TBC1D30: variants seen among roughly 807,000 people sequenced by gnomAD.
TBC1D30 encodes the protein TBC1 domain family member 30, also known as TBC1 domain family, member 30.
TBC1D30 carries 31 observed loss-of-function variants against 63.2 expected under a neutral mutation model. The observed-to-expected ratio is 0.49, with a 90% CI of 0.37 to 0.66. The LOEUF is 0.66. Among genes scored for constraint, TBC1D30 ranks in the 30% least tolerant of loss-of-function variants. The pLI, the probability that TBC1D30 is intolerant of heterozygous loss-of-function variation, is 0.00. For missense variants in TBC1D30, 810 were observed against 953.6 expected (o/e 0.85, Z 1.98); for synonymous variants, 307 against 361.5 (o/e 0.85, Z 1.71).
chr12:64,770,231 T>C (rs1870856390), intron 1 of TBC1D30, among the ~76,000 whole-genome samples: 1 of 152,222 alleles, frequency 6.6e-6, no homozygotes, highest in African/African-American at 2.4e-5. Context: ...CTCTGAAGAA[T>C]TGTAATAGTT....
upstream of TBC1D30, among the ~76,000 whole-genome samples, chr12:64,821,291 G>A (rs1406692449): frequency 6.6e-6 from 1 of 152,216 alleles, no homozygotes. Context: ...ACAATCCAAA[G>A]TTTGCTTGGT....
intron 1 of TBC1D30, 96 bp from the exon 2 acceptor site, chr12:64,827,739 T>G (rs867102349): frequency 1.1e-6 from 1 of 881,062 alleles, no homozygotes; most frequent in African/African-American, 1.7e-5. Flanking sequence ...TAAAAAAAAT[T>G]GTGATGATTC....
rs759212084 is a variant in TBC1D30, at chr12:64,877,244, C to G, written c.*1456C>G. 42 of 180,698 alleles carry G rather than the reference C, an allele frequency of 2.3e-4. No homozygotes were observed. Among genetic ancestry groups the G allele is most frequent in the Non-Finnish European group, 4.6e-4 (39 of 85,292 alleles). 11.2% of individuals were successfully genotyped at this position (180,698 alleles called of 1,614,324 possible). On this transcript the variant is annotated 3_prime_UTR_variant, in exon 12 of 12. Coordinates refer to ENST00000539867, the MANE Select transcript of TBC1D30 (RefSeq NM_015279.2). ...TCCTCAATCCCCTTCTCCTCGCCAT[C>G]ATTAGAGGAATAGACTCAGCCTTCA...
At chr12:64,792,734 C>A (rs1009848372) in intron 2 of TBC1D30, among the ~76,000 whole-genome samples, 18 of 152,088 alleles carry the variant, frequency 1.2e-4, no homozygotes, top group African/African-American at 4.1e-4. Context: ...CCACACCCAG[C>A]TAATTTTTTT....
chr12:64,761,616 T>C (rs1055464862), intron 1 of TBC1D30, among the ~76,000 whole-genome samples: 1 of 152,194 alleles, frequency 6.6e-6, no homozygotes, highest in Non-Finnish European at 1.5e-5. Context: ...CCCAGCGCCA[T>C]GACAGTTTAC....
chr12:64,805,781 C>T (rs903744326), intron 2 of TBC1D30, among the ~76,000 whole-genome samples: 2 of 151,576 alleles, frequency 1.3e-5, no homozygotes, highest in East Asian at 1.9e-4. Context: ...TGCAGTGAGC[C>T]GAGATCATGC....
At position 64,764,584 on chromosome 12, in the gene TBC1D30, A is replaced by G. The variant is rs377727307; in HGVS notation, c.-376+4935A>G. 1.4e-4 allele frequency among the ~76,000 whole-genome samples: 22 copies of G among 152,324 alleles called. No homozygotes were observed. In the East Asian group the frequency reaches 3.3e-3, roughly 23 times the overall value. On this transcript the variant is annotated intron_variant, in intron 1 of 13. Transcript: ENST00000674237. ...CTGTGATCCACATGTAAAGAGAAAC[A>G]AACAATTGCTCCAACTTTTTGCCTG... is the stretch of plus-strand genomic sequence containing the variant.
At chr12:64,827,980 T>C (rs186740151) in intron 2 of TBC1D30, 84 bp downstream of exon 2, 4 of 917,660 alleles carry the variant, frequency 4.4e-6, no homozygotes, top group Non-Finnish European at 6.6e-6. Flanking sequence ...AAATAACGTA[T>C]TCTTTGATAT....
chr12:64,827,877 G>A lies in TBC1D30; in HGVS notation c.197G>A (p.Gly66Asp), dbSNP rs1227733733. The change falls in exon 2 of 12, where the codon GGT (glycine) becomes GAT (aspartate). Residue 66 changes from glycine (G) to aspartate (D), a missense_variant. Physicochemically the swap from Gly to Asp is moderately conservative, Grantham distance 94. Transcript: ENST00000539867. Reference protein sequence around the residue: ...KLKFTLEPSLGQNGFQQWYDA... With the variant: ...KLKFTLEPSLDQNGFQQWYDA... ...AAATTCACTCTTGAGCCATCTTTAGGTCAAAATGGTTTTCAGCAGGTAACT... is the reference window on the plus strand; with the variant it reads ...AAATTCACTCTTGAGCCATCTTTAGATCAAAATGGTTTTCAGCAGGTAACT... 3 of 1,534,578 alleles carry A rather than the reference G, an allele frequency of 2.0e-6. No individual in the cohort carries two copies. In the South Asian group the frequency reaches 3.6e-5, roughly 18 times the overall value.
chr12:64,860,683 T>G (rs1877714740), intron 8 of TBC1D30, among the ~76,000 whole-genome samples: 1 of 152,168 alleles, frequency 6.6e-6, no homozygotes, highest in Non-Finnish European at 1.5e-5. Context: ...CTGATACAGG[T>G]GGTTTTCAGA....
rs1279620094 is a variant in TBC1D30, at chr12:64,878,587, T to G, written c.*2799T>G. The G allele has an allele frequency of 1.1e-5, 5 of 456,418 alleles. No individual in the cohort carries two copies. The highest frequency in any genetic ancestry group is 2.2e-5 in the Non-Finnish European group (5 of 226,782). 28.3% of individuals were successfully genotyped at this position (456,418 alleles called of 1,614,324 possible). A position where few individuals can be genotyped will look rare whatever the true frequency, so the allele number is the denominator to read the frequency against. On this transcript the variant is annotated 3_prime_UTR_variant, in exon 12 of 12. Transcript: ENST00000539867. ...GTTTGTCTCTTGTTGTTCTGAAGGA[T>G]TGTATTGATCACAAAGCTATATGCA...
At chr12:64,863,851 G>T (rs892251273) in intron 8 of TBC1D30, among the ~76,000 whole-genome samples, 3 of 152,156 alleles carry the variant, frequency 2.0e-5, no homozygotes, top group African/African-American at 7.2e-5. Flanking sequence ...GCATTATCAG[G>T]CTATTTCTTT....
In TBC1D30 at chr12:64,781,165, C is replaced by G. The variant is rs1165012726; in HGVS notation, c.357C>G (p.Thr119=). Residue 119 remains threonine (T), a synonymous_variant, in exon 1 of 13, where the codon ACC becomes ACG. Coordinates refer to the TBC1D30 transcript ENST00000542120. ...GCCGCGACAGCCTCGACAGCTCCACCGAGGCCTCGGGCTCCGACGTGGTCC... is the reference window on the plus strand; with the variant it reads ...GCCGCGACAGCCTCGACAGCTCCACGGAGGCCTCGGGCTCCGACGTGGTCC... 4.8e-6 allele frequency: 5 copies of G among 1,033,572 alleles called. No individual in the cohort carries two copies. In the South Asian group the frequency reaches 9.1e-5, roughly 19 times the overall value. The allele number at this position is 1,033,572 out of a possible 1,614,324, so 64.0% of individuals were successfully genotyped here.
intron 1 of TBC1D30, among the ~76,000 whole-genome samples, chr12:64,774,443 C>G (rs577964182): frequency 6.6e-6 from 1 of 152,100 alleles, no homozygotes; most frequent in African/African-American, 2.4e-5. Context: ...TGCAGAGAAC[C>G]CCAGTAAGAT....
At chr12:64,792,641 C>T (rs1381867273) in intron 2 of TBC1D30, among the ~76,000 whole-genome samples, 6 of 152,198 alleles carry the variant, frequency 3.9e-5, no homozygotes, top group Non-Finnish European at 8.8e-5. Context: ...GCGATGTTGG[C>T]TCACTGCAAC....
At chr12:64,767,831 A>T (rs908738431) in intron 1 of TBC1D30, among the ~76,000 whole-genome samples, 2 of 147,690 alleles carry the variant, frequency 1.4e-5, no homozygotes, top group African/African-American at 5.0e-5. Flanking sequence ...ATGAAAATTT[A>T]GAAACTTGGT....
At chr12:64,864,481 G>A (rs1020698366) in intron 8 of TBC1D30, among the ~76,000 whole-genome samples, 187 bp from the exon 9 acceptor site, 3 of 152,132 alleles carry the variant, frequency 2.0e-5, no homozygotes, top group Non-Finnish European at 2.9e-5. Context: ...CCACTGGGTC[G>A]GGTTTAATCA....
In TBC1D30 at chr12:64,802,998, A is replaced by G. The variant is rs376492597; in HGVS notation, c.643+16953A>G. On this transcript the variant is annotated intron_variant, in intron 2 of 12. Transcript: ENST00000542120. ...TTATAGCAGCATGATTTATAATCCTATGGGTATATACCCAGTAATGGGATG... is the reference window on the plus strand; with the variant it reads ...TTATAGCAGCATGATTTATAATCCTGTGGGTATATACCCAGTAATGGGATG... 8.5e-5 allele frequency among the ~76,000 whole-genome samples: 13 copies of G among 152,254 alleles called. No homozygotes were observed. In the South Asian group the frequency reaches 2.7e-3, roughly 32 times the overall value.
intron 1 of TBC1D30, among the ~76,000 whole-genome samples, chr12:64,782,193 A>G: frequency 6.6e-6 from 1 of 151,820 alleles, no homozygotes; most frequent in Admixed American, 6.6e-5. Context: ...TGACGTATGG[A>G]AAACAGATGC....
Sources: gnomAD v4.1 joint callset for allele counts (sites outside exome capture counted in the v4.1 genomes callset) on GRCh38, gnomAD v4.1.1 for gene constraint, MANE v1.5 for transcripts, NCBI Gene and HGNC (gene_info 2026-07-23, HGNC 2026-07-21) for gene names.